PDE4D: variants seen among roughly 807,000 people sequenced by gnomAD.
The protein encoded by PDE4D is phosphodiesterase 4D, also known as 3',5'-cyclic-AMP phosphodiesterase 4D.
Under a neutral mutation model 87.4 loss-of-function variants are expected in PDE4D, and 24 were observed. The ratio of observed to expected loss-of-function variants is 0.27; its 90% CI spans 0.20 to 0.39. The LOEUF is 0.39. PDE4D is among the 10% of genes least tolerant of loss of function. PDE4D has a pLI of 1.00. For synonymous variants in PDE4D, 384 were observed against 383.2 expected (o/e 1.00, Z -0.02); for missense variants, 714 against 1,041.0 (o/e 0.69, Z 4.32).
intron 1 of PDE4D, among the ~76,000 whole-genome samples, chr5:59,855,364 G>T (rs6866277): frequency 6.6e-6 from 1 of 151,894 alleles, no homozygotes. Context: ...AAAGATACAC[G>T]TAATAACAAA....
chr5:60,012,499 G>GA (rs1395770981), intron 2 of PDE4D, among the ~76,000 whole-genome samples: 2 of 152,234 alleles, frequency 1.3e-5, no homozygotes, highest in South Asian at 4.2e-4. Flanking sequence ...GAATGATTCA[G>GA]AAAAAATCCT....
intron 1 of PDE4D, among the ~76,000 whole-genome samples, chr5:59,490,503 A>T (rs1268369310): frequency 6.6e-6 from 1 of 152,218 alleles, no homozygotes; most frequent in Non-Finnish European, 1.5e-5. Context: ...TAGAAAAGAA[A>T]GAAAACCAAC....
rs888238223 is a variant in PDE4D, at chr5:59,425,625, C to A, written c.456-209657G>T. On this transcript the variant is annotated intron_variant, in intron 1 of 14. Transcript: ENST00000340635. ...AAAAAGCAAATGTTAGTCTAGGCCA[C>A]GTTTGAATGATTATAGAGTTCAAAA... is the stretch of plus-strand genomic sequence containing the variant. Among the ~76,000 whole-genome samples the A allele has an allele frequency of 7.2e-5, 11 of 152,202 alleles. No homozygotes were observed. The East Asian group carries it at 1.9e-3, about 27-fold the overall frequency.
Position 59,975,715 on chromosome 5 carries a change from T to C in PDE4D, c.272+12773A>G, listed in dbSNP as rs116130626. The stretch of plus-strand genomic sequence containing the variant: ...ACATATTGGTTACATGAAAAGTTAA[T>C]GGTAAGTTTTATCAACTGTACCTTC... On this transcript the variant is annotated intron_variant, in intron 3 of 16. Transcript: ENST00000502484. 4.1e-3 allele frequency among the ~76,000 whole-genome samples: 624 copies of C among 152,358 alleles called. 8 individuals carry two copies. Among genetic ancestry groups the C allele is most frequent in the African/African-American group, 0.014 (586 of 41,586 alleles).
chr5:59,789,256 C>T (rs183712449), intron 1 of PDE4D, among the ~76,000 whole-genome samples: 44 of 152,172 alleles, frequency 2.9e-4, no homozygotes, highest in South Asian at 6.2e-4. Flanking sequence ...GAATTAAGAA[C>T]AAAAAATGTG....
At chr5:59,440,186 T>C (rs1204258958) in intron 1 of PDE4D, among the ~76,000 whole-genome samples, 1 of 152,202 alleles carries the variant, frequency 6.6e-6, no homozygotes, top group Non-Finnish European at 1.5e-5. Flanking sequence ...CACTTAAAGT[T>C]TTCATATTAA....
intron 1 of PDE4D, among the ~76,000 whole-genome samples, chr5:60,283,543 AT>A (rs1231295926): frequency 9.8e-5 from 15 of 152,328 alleles, no homozygotes; most frequent in African/African-American, 3.1e-4. Flanking sequence ...GAAATAAAAA[AT>A]GGTAACATTT....
intron 5 of PDE4D, among the ~76,000 whole-genome samples, chr5:59,041,871 G>T (rs1304932987): frequency 6.6e-6 from 1 of 152,196 alleles, no homozygotes; most frequent in Admixed American, 6.5e-5. Context: ...TTTGGCTAAT[G>T]CTTCAAGACA....
At chr5:59,429,312 A>G (rs1188600181) in intron 1 of PDE4D, among the ~76,000 whole-genome samples, 1 of 152,186 alleles carries the variant, frequency 6.6e-6, no homozygotes, top group African/African-American at 2.4e-5. Context: ...CATAAAGTCA[A>G]ATAGTGATAG....
chr5:59,846,509 C>T (rs1238304918), intron 1 of PDE4D, among the ~76,000 whole-genome samples: 2 of 151,928 alleles, frequency 1.3e-5, no homozygotes, highest in East Asian at 1.9e-4. Flanking sequence ...TTAAATAAGC[C>T]CCCAAGATGA....
At chr5:59,962,685 G>C (rs768177375) in intron 3 of PDE4D, among the ~76,000 whole-genome samples, 1 of 152,080 alleles carries the variant, frequency 6.6e-6, no homozygotes, top group Non-Finnish European at 1.5e-5. Flanking sequence ...CAATTTCAGT[G>C]TCATTTAAAG....
chr5:60,265,708 C>A (rs1275628489), intron 1 of PDE4D, among the ~76,000 whole-genome samples: 2 of 152,074 alleles, frequency 1.3e-5, no homozygotes, highest in Non-Finnish European at 2.9e-5. Flanking sequence ...CTGTACCTGG[C>A]AAAACAGCTC....
upstream of PDE4D, among the ~76,000 whole-genome samples, chr5:60,491,709 A>T (rs1201924430): frequency 6.6e-6 from 1 of 151,938 alleles, no homozygotes. Context: ...TTAATATTTG[A>T]TGCTAAAACC....
At chr5:60,351,412 T>A (rs1374934605) in intron 1 of PDE4D, among the ~76,000 whole-genome samples, 1 of 152,174 alleles carries the variant, frequency 6.6e-6, no homozygotes, top group Non-Finnish European at 1.5e-5. Context: ...GCCAAAGAGA[T>A]GTAAGAGGAA....
intron 5 of PDE4D, among the ~76,000 whole-genome samples, chr5:59,119,046 G>A (rs942450526): frequency 3.9e-5 from 6 of 152,216 alleles, no homozygotes; most frequent in South Asian, 4.1e-4. Flanking sequence ...ATAAACTGGC[G>A]TGGAGAAGAT....
intron 5 of PDE4D, among the ~76,000 whole-genome samples, chr5:59,168,167 A>C (rs1782185512): frequency 6.6e-6 from 1 of 152,142 alleles, no homozygotes; most frequent in Non-Finnish European, 1.5e-5. Flanking sequence ...AAGGAAGTGC[A>C]TTCAGGACAT....
chr5:60,133,675 C>T (rs7710517), intron 2 of PDE4D, among the ~76,000 whole-genome samples: 1,768 of 152,262 alleles, frequency 0.012, 43 homozygotes, highest in African/African-American at 0.041. Flanking sequence ...TTTCTAGATG[C>T]TAACTGGACG....
intron 1 of PDE4D, among the ~76,000 whole-genome samples, chr5:60,288,579 G>A (rs1424440193): frequency 6.6e-6 from 1 of 152,116 alleles, no homozygotes; most frequent in Non-Finnish European, 1.5e-5. Context: ...TGATATGTAT[G>A]AAAAAAAGTT....
intron 1 of PDE4D, among the ~76,000 whole-genome samples, chr5:59,650,165 T>C (rs79502790): frequency 0.027 from 4,109 of 152,160 alleles, 204 homozygotes; most frequent in African/African-American, 0.092. Context: ...TCTCACTTTT[T>C]AAATTAGATT....
Sources: allele counts gnomAD v4.1 joint callset (sites outside exome capture counted in the v4.1 genomes callset), GRCh38; gene constraint gnomAD v4.1.1; transcripts MANE v1.5; gene names NCBI Gene and HGNC (gene_info 2026-07-23, HGNC 2026-07-21).